ZMAT4: variants seen among roughly 807,000 people sequenced by gnomAD.
The protein encoded by ZMAT4 is zinc finger matrin-type 4, also known as zinc finger matrin-type protein 4.
In ZMAT4, 17 loss-of-function variants were observed where a neutral mutation model predicts 28.7. The ratio of observed to expected loss-of-function variants is 0.59; its 90% CI spans 0.41 to 0.89. The LOEUF (loss-of-function observed/expected upper bound fraction) is 0.89. Among genes scored for constraint, ZMAT4 ranks in the 40% least tolerant of loss-of-function variants. ZMAT4 has a pLI of 0.00. For synonymous variants in ZMAT4, 117 were observed against 109.2 expected (o/e 1.07, Z -0.44); for missense variants, 240 against 283.8 (o/e 0.85, Z 1.11).
At chr8:40,699,596 GCACACACA>G (rs10681965) in intron 3 of ZMAT4, among the ~76,000 whole-genome samples, 4 of 149,640 alleles carry the variant, frequency 2.7e-5, no homozygotes, top group Admixed American at 6.7e-5. Context: ...AAATGTAAAT[GCACACACA>G]CACACACACA....
intron 1 of ZMAT4, among the ~76,000 whole-genome samples, chr8:40,865,503 C>A (rs1366239698): frequency 6.6e-6 from 1 of 152,180 alleles, no homozygotes; most frequent in African/African-American, 2.4e-5. Context: ...TGAGTGAGCC[C>A]AGGCCTCTCT....
At chr8:40,865,746 AC>A (rs1817657211) in intron 1 of ZMAT4, among the ~76,000 whole-genome samples, 1 of 152,294 alleles carries the variant, frequency 6.6e-6, no homozygotes, top group African/African-American at 2.4e-5. Flanking sequence ...TCGAACCCGG[AC>A]TTTTAGACTC....
intron 5 of ZMAT4, among the ~76,000 whole-genome samples, chr8:40,588,999 A>G (rs1804762545): frequency 6.6e-6 from 1 of 152,182 alleles, no homozygotes; most frequent in Admixed American, 6.5e-5. Context: ...TAATAATACA[A>G]AGGTAGAAAC....
chr8:40,853,233 T>A (rs976704145), intron 1 of ZMAT4, among the ~76,000 whole-genome samples: 1 of 152,190 alleles, frequency 6.6e-6, no homozygotes, highest in African/African-American at 2.4e-5. Flanking sequence ...ATTAAAAAGA[T>A]GTGTTTTCAA....
intron 1 of ZMAT4, among the ~76,000 whole-genome samples, chr8:40,847,537 C>T (rs1272621942): frequency 2.0e-5 from 3 of 152,148 alleles, no homozygotes; most frequent in African/African-American, 7.2e-5. Flanking sequence ...AAGGGGAGGA[C>T]GTGGGAAGGC....
intron 2 of ZMAT4, among the ~76,000 whole-genome samples, chr8:40,821,358 G>C (rs1815822354): frequency 6.6e-6 from 1 of 152,016 alleles, no homozygotes; most frequent in Admixed American, 6.6e-5. Flanking sequence ...TTGTTCTGTT[G>C]ACTCAGACTA....
At chr8:40,848,167 A>G (rs1816976260) in intron 1 of ZMAT4, among the ~76,000 whole-genome samples, 1 of 152,232 alleles carries the variant, frequency 6.6e-6, no homozygotes, top group Admixed American at 6.5e-5. Flanking sequence ...AGCCTAGAGA[A>G]ACAAAAGGAG....
At chr8:40,607,281 C>A (rs1369433528) in intron 5 of ZMAT4, among the ~76,000 whole-genome samples, 4 of 151,682 alleles carry the variant, frequency 2.6e-5, no homozygotes, top group Non-Finnish European at 5.9e-5. Flanking sequence ...CCCGCCACCA[C>A]CCCTGGCTAA....
At chr8:40,780,849 G>A (rs944770629) in intron 2 of ZMAT4, among the ~76,000 whole-genome samples, 2 of 152,118 alleles carry the variant, frequency 1.3e-5, no homozygotes, top group Non-Finnish European at 2.9e-5. Flanking sequence ...ACCCTCTCAT[G>A]ACAAAAACAC....
intron 1 of ZMAT4, among the ~76,000 whole-genome samples, chr8:40,846,636 A>G (rs943922203): frequency 6.6e-6 from 1 of 152,170 alleles, no homozygotes. Flanking sequence ...CGTTTCCAGG[A>G]GCATCCTGCA....
At position 40,812,586 on chromosome 8, in the gene ZMAT4, C is replaced by T. The variant is rs376591913; in HGVS notation, c.102+12989G>A. Among the ~76,000 whole-genome samples, 22 of 152,184 alleles carry T rather than the reference C, an allele frequency of 1.4e-4. No individual in the cohort carries two copies. The East Asian group carries it at 1.5e-3, about 11-fold the overall frequency. ...TGGGACCCTGGGACAGAAAATGACA[C>T]GACAGAGAAACTAAGGAAATATGAA... On this transcript the variant is annotated intron_variant, in intron 2 of 6. Coordinates refer to ENST00000297737, the MANE Select transcript of ZMAT4 (RefSeq NM_024645.3).
At chr8:40,539,361 C>G (rs1294960493) in intron 6 of ZMAT4, among the ~76,000 whole-genome samples, 1 of 152,184 alleles carries the variant, frequency 6.6e-6, no homozygotes, top group Admixed American at 6.5e-5. Context: ...ACTGTCCTAT[C>G]CTGGGCAAGT....
At chr8:40,697,439 C>A (rs748651024) in intron 3 of ZMAT4, 38 bp from the exon 4 acceptor site, 11 of 1,464,900 alleles carry the variant, frequency 7.5e-6, no homozygotes, top group African/African-American at 1.4e-5. Flanking sequence ...GTGAGAGAAA[C>A]CCATTCCATT....
At position 40,581,214 on chromosome 8, in the gene ZMAT4, A is replaced by C; in HGVS notation, c.625T>G (p.Ser209Ala). The C allele has an allele frequency of 6.2e-7, 1 of 1,613,504 alleles. No homozygotes were observed. The change falls in exon 6 of 7, where the codon TCA (serine) becomes GCA (alanine). Residue 209 changes from serine (S) to alanine (A), a missense_variant. Physicochemically the swap from Ser to Ala is moderately conservative, Grantham distance 99. Coordinates refer to ENST00000297737, the MANE Select transcript of ZMAT4 (RefSeq NM_024645.3). ...AGATGGGCATGATACTGTTCTATTG[A>C]GTTTAGGGAGACACTGCAGATGGTA... Reference protein sequence around the residue: ...RCTICSVSLNSIEQYHAHLKG... With the variant: ...RCTICSVSLNAIEQYHAHLKG...
At chr8:40,607,178 G>A in intron 5 of ZMAT4, among the ~76,000 whole-genome samples, 1 of 132,316 alleles carries the variant, frequency 7.6e-6, no homozygotes, top group Non-Finnish European at 1.5e-5. Flanking sequence ...AGGCTGGAGT[G>A]CAGTGGCACG....
chr8:40,824,570 AG>A, intron 2 of ZMAT4, among the ~76,000 whole-genome samples: 1 of 151,754 alleles, frequency 6.6e-6, no homozygotes, highest in Non-Finnish European at 1.5e-5. Flanking sequence ...GGGATGCCGC[AG>A]CACTCCAGCC....
At chr8:40,793,401 G>A (rs1470486779) in intron 2 of ZMAT4, among the ~76,000 whole-genome samples, 2 of 152,156 alleles carry the variant, frequency 1.3e-5, no homozygotes, top group Admixed American at 6.5e-5. Context: ...GCCATCTTTC[G>A]CTGTCCACAC....
chr8:40,794,827 G>A (rs540070585), intron 2 of ZMAT4, among the ~76,000 whole-genome samples: 6 of 151,952 alleles, frequency 3.9e-5, no homozygotes, highest in African/African-American at 1.4e-4. Flanking sequence ...TCAAGGGGTT[G>A]TGCTTTTGTG....
At chr8:40,830,474 C>T (rs1452258064) in intron 1 of ZMAT4, among the ~76,000 whole-genome samples, 3 of 152,128 alleles carry the variant, frequency 2.0e-5, no homozygotes, top group African/African-American at 7.2e-5. Context: ...AAATGGTGTC[C>T]TCTACCTCTA....
Sources: allele counts gnomAD v4.1 joint callset (sites outside exome capture counted in the v4.1 genomes callset), GRCh38; gene constraint gnomAD v4.1.1; transcripts MANE v1.5; gene names NCBI Gene and HGNC (gene_info 2026-07-23, HGNC 2026-07-21).